CACNA1B: variants seen among roughly 807,000 people sequenced by gnomAD.
CACNA1B encodes the protein voltage-dependent N-type calcium channel subunit alpha-1B.
Under a neutral mutation model 247.2 loss-of-function variants are expected in CACNA1B, and 70 were observed. That is an observed-to-expected ratio of 0.28 (90% confidence interval 0.23 to 0.35). The LOEUF (loss-of-function observed/expected upper bound fraction) is 0.35, where lower values mean the gene tolerates loss of function less well. Among genes scored for constraint, CACNA1B ranks in the 10% least tolerant of loss-of-function variants. The probability of loss-of-function intolerance (pLI) is 1.00; values close to 1 mark genes in which losing one functional copy is unlikely to be tolerated. For missense variants in CACNA1B, 2,367 were observed against 3,197.4 expected (o/e 0.74, Z 6.26); for synonymous variants, 1,231 against 1,294.4 (o/e 0.95, Z 1.05).
chr9:137,886,325 G>T (rs1268832197), intron 3 of CACNA1B, among the ~76,000 whole-genome samples: 4 of 152,018 alleles, frequency 2.6e-5, no homozygotes, highest in African/African-American at 7.2e-5. Flanking sequence ...AGCTCTTAAG[G>T]ACCTCAGGCC....
intron 26 of CACNA1B, among the ~76,000 whole-genome samples, chr9:138,056,635 G>A (rs1589101121): frequency 6.6e-6 from 1 of 152,326 alleles, no homozygotes; most frequent in East Asian, 1.9e-4. Context: ...TTAACTGTTT[G>A]AGGAAATGCC....
chr9:137,916,774 G>A (rs542515862), intron 5 of CACNA1B, among the ~76,000 whole-genome samples: 1 of 151,990 alleles, frequency 6.6e-6, no homozygotes, highest in African/African-American at 2.4e-5. Flanking sequence ...GGAGAGGAAC[G>A]GTCCTCGTGG....
chr9:137,878,256 ACCGGGGTGGGGG>A (rs1378156812), intron 1 of CACNA1B, 39 bp downstream of exon 1: 5 of 420,322 alleles, frequency 1.2e-5, no homozygotes, highest in African/African-American at 1.0e-4. Context: ...CCGGGCGGGG[ACCGGGGTGGGGG>A]CCGGGGCCGG....
chr9:138,020,571 G>A lies in CACNA1B; in HGVS notation c.2268-2440G>A, dbSNP rs1053620694. Among the ~76,000 whole-genome samples the A allele has an allele frequency of 2.6e-5, 4 of 152,292 alleles. No homozygotes were observed. Among genetic ancestry groups the A allele is most frequent in the Non-Finnish European group, 5.9e-5 (4 of 68,024 alleles). On this transcript the variant is annotated intron_variant, in intron 18 of 46. Transcript: ENST00000371372. This position sits in a 1 kb window ranked among gnomAD's most constrained non-coding sequence, Gnocchi z 4.1. ...AGAGAGGAACTTGGTGGTGCTGGCC[G>A]AGTGAGGGCAGATGCAGACAGTCTC...
intron 6 of CACNA1B, among the ~76,000 whole-genome samples, chr9:137,937,612 G>C (rs1169434761): frequency 6.6e-6 from 1 of 152,116 alleles, no homozygotes; most frequent in Non-Finnish European, 1.5e-5. Flanking sequence ...ATTGCAAAAA[G>C]ATAATCTCCC....
chr9:138,094,404 TAAA>T (rs1192599367), intron 36 of CACNA1B, among the ~76,000 whole-genome samples: 2 of 148,874 alleles, frequency 1.3e-5, no homozygotes, highest in Non-Finnish European at 3.0e-5. Flanking sequence ...TAAAAATTGT[TAAA>T]ATGGAAATTT....
rs949900528 is a variant in CACNA1B at position 137,914,488 on chromosome 9, C to G, written c.623-166C>G. On this transcript the variant is annotated intron_variant, in intron 4 of 46. Coordinates refer to ENST00000371372, the MANE Select transcript of CACNA1B (RefSeq NM_000718.4). This position sits in a 1 kb window ranked among gnomAD's most constrained non-coding sequence, Gnocchi z 4.3. Reference sequence around the variant, plus strand: ...TGCCCTACACAAGCACTCTCTGCCCCTCTGCGCCTTAAGGGGCTTCAGCTC... The same window carrying G: ...TGCCCTACACAAGCACTCTCTGCCCGTCTGCGCCTTAAGGGGCTTCAGCTC... 3.3e-5 allele frequency among the ~76,000 whole-genome samples: 5 copies of G among 152,200 alleles called. No homozygotes were observed. Among genetic ancestry groups the G allele is most frequent in the African/African-American group, 1.2e-4 (5 of 41,432 alleles).
In CACNA1B at chr9:137,933,144, G is replaced by A. The variant is rs150078732; in HGVS notation, c.966+15713G>A. Among the ~76,000 whole-genome samples the A allele has an allele frequency of 5.3e-5, 8 of 152,208 alleles. No homozygotes were observed. In the East Asian group the frequency reaches 1.6e-3, roughly 29 times the overall value. On this transcript the variant is annotated intron_variant, in intron 6 of 46. Coordinates refer to ENST00000371372, the MANE Select transcript of CACNA1B (RefSeq NM_000718.4). ...AAATGGGGTTTCACTGTGTTAGCCA[G>A]AATGGTCTCAAATCTTCTGACCTCA...
chr9:138,034,271 G>C lies in CACNA1B; in HGVS notation c.3286+9099G>C, dbSNP rs1589082206. ...GACGTGACGTCTAGGCTCCCCGTGTGATCTCTACTGGCATTGTGTGTATTG... is the reference window on the plus strand; with the variant it reads ...GACGTGACGTCTAGGCTCCCCGTGTCATCTCTACTGGCATTGTGTGTATTG... On this transcript the variant is annotated intron_variant, in intron 20 of 46. Transcript: ENST00000371372. 3.3e-5 allele frequency among the ~76,000 whole-genome samples: 5 copies of C among 152,166 alleles called. No individual in the cohort carries two copies. In the Middle Eastern group the frequency reaches 0.01, roughly 311 times the overall value.
intron 31 of CACNA1B, among the ~76,000 whole-genome samples, chr9:138,063,948 A>G (rs1214666265): frequency 2.0e-5 from 3 of 152,120 alleles, no homozygotes; most frequent in African/African-American, 2.4e-5. Context: ...TGTTATGTCT[A>G]CTTCACATGT....
At chr9:138,070,319 A>G (rs1042184028) in intron 32 of CACNA1B, among the ~76,000 whole-genome samples, 2 of 152,180 alleles carry the variant, frequency 1.3e-5, no homozygotes, top group Admixed American at 1.3e-4. Flanking sequence ...GGCAGGGCTT[A>G]CAGTCTTTGT....
At chr9:137,924,795 T>C (rs1048170131) in intron 6 of CACNA1B, among the ~76,000 whole-genome samples, 7 of 152,246 alleles carry the variant, frequency 4.6e-5, no homozygotes. Context: ...TGAATGATTC[T>C]AATGTGTTTT....
intron 12 of CACNA1B, among the ~76,000 whole-genome samples, chr9:137,983,426 G>T (rs1958317056): frequency 6.6e-6 from 1 of 152,144 alleles, no homozygotes; most frequent in African/African-American, 2.4e-5. Flanking sequence ...TCCTTTCTGA[G>T]TCCCTCACAC....
At position 138,123,940 on chromosome 9, in the gene CACNA1B, G is replaced by C. The variant is rs1962184115; in HGVS notation, c.*1941G>C. ...CCCAGCCCCCAGCCCATGTTATCTT[G>C]GGTGTCGAATGTGTCCATTCCATGC... is the stretch of plus-strand genomic sequence containing the variant. On this transcript the variant is annotated 3_prime_UTR_variant, in exon 47 of 47. Coordinates refer to ENST00000371372, the MANE Select transcript of CACNA1B (RefSeq NM_000718.4). The C allele has an allele frequency of 6.6e-6, 1 of 152,152 alleles. No homozygotes were observed. The highest frequency in any genetic ancestry group is 1.5e-5 in the Non-Finnish European group (1 of 68,048). The allele number at this position is 152,152 out of a possible 1,614,324, so 9.4% of individuals were successfully genotyped here.
rs138504996 is a variant in CACNA1B at position 138,056,108 on chromosome 9, A to G, written c.3969-1624A>G. On this transcript the variant is annotated intron_variant, in intron 26 of 46. Coordinates refer to ENST00000371372, the MANE Select transcript of CACNA1B (RefSeq NM_000718.4). ...TTATACTGCTTGTTCATAACAATCC[A>G]CTTACAGTGTGCAATTAAGTGGCTT... 5.5e-4 allele frequency among the ~76,000 whole-genome samples: 83 copies of G among 152,242 alleles called. 1 individual carries two copies. The East Asian group carries it at 0.013, about 24-fold the overall frequency.
At chr9:138,024,098 G>A (rs371257409) in intron 19 of CACNA1B, among the ~76,000 whole-genome samples, 81 of 152,362 alleles carry the variant, frequency 5.3e-4, no homozygotes, top group African/African-American at 1.7e-3. Context: ...TAAGAAGGGA[G>A]GGCTTAAGGG....
At chr9:137,939,869 A>C (rs969916632) in intron 6 of CACNA1B, among the ~76,000 whole-genome samples, 1 of 151,660 alleles carries the variant, frequency 6.6e-6, no homozygotes. Flanking sequence ...AAATTCTTCG[A>C]ACTGAATGAC....
chr9:138,098,119 A>G lies in CACNA1B; in HGVS notation c.5222+1508A>G, dbSNP rs185310890. On this transcript the variant is annotated intron_variant, in intron 37 of 46. Coordinates refer to ENST00000371372, the MANE Select transcript of CACNA1B (RefSeq NM_000718.4). Reference sequence around the variant, plus strand: ...ATACAGTTTTTACGCAGTGCAAAACAGACGTAGAGATTGTCTGTGTTTCAC... The same window carrying G: ...ATACAGTTTTTACGCAGTGCAAAACGGACGTAGAGATTGTCTGTGTTTCAC... Among the ~76,000 whole-genome samples the G allele has an allele frequency of 6.6e-5, 10 of 152,158 alleles. No individual in the cohort carries two copies. In the East Asian group the frequency reaches 2.0e-3, roughly 30 times the overall value.
At chr9:137,968,357 A>G (rs1958105781) in intron 10 of CACNA1B, among the ~76,000 whole-genome samples, 1 of 152,164 alleles carries the variant, frequency 6.6e-6, no homozygotes, top group South Asian at 2.1e-4. Context: ...GTCGGCCCTG[A>G]CGCCTTGTCA....
Sources: gnomAD v4.1 joint callset for allele counts (sites outside exome capture counted in the v4.1 genomes callset) on GRCh38, gnomAD v4.1.1 for gene constraint, Gnocchi (gnomAD v3.1) non-coding constraint, MANE v1.5 for transcripts, NCBI Gene and HGNC (gene_info 2026-07-23, HGNC 2026-07-21) for gene names.